Variants in ANK2 observed in about 807,000 individuals in gnomAD.
ANK2 encodes the protein ankyrin-2.
In ANK2, 83 loss-of-function variants were observed where a neutral mutation model predicts 360.5. The observed-to-expected ratio is 0.23, with a 90% CI of 0.19 to 0.28. The LOEUF (loss-of-function observed/expected upper bound fraction) is 0.28. Among genes scored for constraint, ANK2 ranks in the 10% least tolerant of loss-of-function variants. ANK2 has a pLI of 1.00. For synonymous variants in ANK2, 1,740 were observed against 1,759.5 expected (o/e 0.99, Z 0.28); for missense variants, 4,201 against 4,795.7 (o/e 0.88, Z 3.66).
intron 1 of ANK2, among the ~76,000 whole-genome samples, chr4:112,831,389 C>CT: frequency 6.6e-6 from 1 of 152,222 alleles, no homozygotes; most frequent in African/African-American, 2.4e-5. Context: ...CTGTGTCTAG[C>CT]TAATCTAGTG....
intron 3 of ANK2, among the ~76,000 whole-genome samples, chr4:113,197,795 C>T (rs561673143): frequency 1.3e-3 from 198 of 152,290 alleles, no homozygotes; most frequent in Non-Finnish European, 2.0e-3. Flanking sequence ...TTTCTTACTT[C>T]GAACATAAAG....
At chr4:113,017,799 G>A (rs2057036173) in intron 2 of ANK2, among the ~76,000 whole-genome samples, 1 of 152,124 alleles carries the variant, frequency 6.6e-6, no homozygotes, top group Non-Finnish European at 1.5e-5. Flanking sequence ...GACCCCAATG[G>A]TATGTGATGC....
rs564164423 is a variant in ANK2 at position 112,975,323 on chromosome 4, A to G, written c.21+70809A>G. 2.0e-5 allele frequency among the ~76,000 whole-genome samples: 3 copies of G among 152,340 alleles called. No homozygotes were observed. The South Asian group carries it at 6.2e-4, about 32-fold the overall frequency. ...ACAATTTTATTTATTTTTTGCTAGA[A>G]TGAATTTGAAGATGCCAAATGTTCC... On this transcript the variant is annotated intron_variant, in intron 2 of 30. Coordinates refer to the ANK2 transcript ENST00000503271.
rs922009092 is a variant in ANK2 at position 112,892,733 on chromosome 4, A to G, written c.-39-11722A>G. Among the ~76,000 whole-genome samples, 22 of 152,212 alleles carry G rather than the reference A, an allele frequency of 1.4e-4. No individual in the cohort carries two copies. The East Asian group carries it at 2.7e-3, about 19-fold the overall frequency. ...AAGATTCAGAATCAGTGAGACTGATATGCATGCTAAGGGTATTGAAGTGAA... is the reference window on the plus strand; with the variant it reads ...AAGATTCAGAATCAGTGAGACTGATGTGCATGCTAAGGGTATTGAAGTGAA... On this transcript the variant is annotated intron_variant, in intron 1 of 30. Coordinates refer to the ANK2 transcript ENST00000503271.
intron 27 of ANK2, among the ~76,000 whole-genome samples, chr4:113,331,092 G>A (rs1435768560): frequency 6.6e-6 from 1 of 152,078 alleles, no homozygotes; most frequent in African/African-American, 2.4e-5. Context: ...CTGTTTGTTT[G>A]TACGGCTGCT....
intron 1 of ANK2, among the ~76,000 whole-genome samples, chr4:113,086,296 CTT>C (rs1390441679): frequency 6.6e-6 from 1 of 152,152 alleles, no homozygotes; most frequent in Non-Finnish European, 1.5e-5. Context: ...CAATGAAACT[CTT>C]TTTATCATAA....
intron 4 of ANK2, among the ~76,000 whole-genome samples, chr4:113,230,201 T>C (rs2099274757): frequency 6.6e-6 from 1 of 152,294 alleles, no homozygotes; most frequent in Admixed American, 6.5e-5. Context: ...TAAATTTTCC[T>C]CCAACATTTG....
At chr4:113,306,622 T>G (rs927764492) in intron 23 of ANK2, among the ~76,000 whole-genome samples, 1 of 152,200 alleles carries the variant, frequency 6.6e-6, no homozygotes. Flanking sequence ...ATCTCTATAA[T>G]GCTAGGTACA....
At position 113,258,091 on chromosome 4, in the gene ANK2, C is replaced by T. The variant is rs1189768371; in HGVS notation, c.1230C>T (p.Arg410=). The change falls in exon 12 of 46, where the codon CGC becomes CGT. Residue 410 remains arginine (R), a synonymous_variant. Transcript: ENST00000357077. ...TPLHIACKKN[R]IKVMELLVKY... is the part of the protein sequence containing the mutation. ...TGCACATTGCCTGCAAGAAAAACCGCATCAAAGTCATGGAACTGCTGGTGA... is the reference window on the plus strand; with the variant it reads ...TGCACATTGCCTGCAAGAAAAACCGTATCAAAGTCATGGAACTGCTGGTGA... 3 of 1,614,160 alleles carry T rather than the reference C, an allele frequency of 1.9e-6. No homozygotes were observed. In the South Asian group the frequency reaches 3.3e-5, roughly 18 times the overall value.
In ANK2 at chr4:113,345,743, G is replaced by T. The variant is rs527557477; in HGVS notation, c.4249-157G>T. Among the ~76,000 whole-genome samples the T allele has an allele frequency of 2.6e-5, 4 of 152,230 alleles. No homozygotes were observed. In the East Asian group the frequency reaches 7.7e-4, roughly 29 times the overall value. Reference sequence around the variant, plus strand: ...AGAAAGCTGAATGATTTTTAAAAAGGCTTTCCAAATGGTAATAGGAAAAGA... The same window carrying T: ...AGAAAGCTGAATGATTTTTAAAAAGTCTTTCCAAATGGTAATAGGAAAAGA... On this transcript the variant is annotated intron_variant, in intron 34 of 45. Transcript: ENST00000357077.
At chr4:113,107,614 C>T (rs529630723) in intron 1 of ANK2, among the ~76,000 whole-genome samples, 3 of 152,312 alleles carry the variant, frequency 2.0e-5, no homozygotes, top group African/African-American at 7.2e-5. Context: ...TGCACACACA[C>T]TATCTCTGGG....
intron 2 of ANK2, among the ~76,000 whole-genome samples, chr4:113,043,119 A>C (rs1295935102): frequency 6.6e-6 from 1 of 152,096 alleles, no homozygotes; most frequent in Non-Finnish European, 1.5e-5. Context: ...TTTAGAGGAG[A>C]AAGACATAGG....
At chr4:113,224,722 T>C (rs556408180) in intron 4 of ANK2, among the ~76,000 whole-genome samples, 7 of 152,188 alleles carry the variant, frequency 4.6e-5, no homozygotes, top group Non-Finnish European at 1.0e-4. Flanking sequence ...TTTTCTACTC[T>C]TGTGATATAT....
intron 4 of ANK2, among the ~76,000 whole-genome samples, chr4:113,220,069 A>G (rs3025755): frequency 0.028 from 4,248 of 152,284 alleles, 96 homozygotes; most frequent in East Asian, 0.068. Context: ...TATAATTTCT[A>G]CAGTGCCAGT....
chr4:112,909,850 A>G (rs2086516735), intron 2 of ANK2, among the ~76,000 whole-genome samples: 1 of 152,168 alleles, frequency 6.6e-6, no homozygotes, highest in Non-Finnish European at 1.5e-5. Context: ...TACTTTTTTC[A>G]AAGCAAAGAT....
At chr4:113,342,203 G>C (rs2094375384) in intron 33 of ANK2, among the ~76,000 whole-genome samples, 1 of 152,134 alleles carries the variant, frequency 6.6e-6, no homozygotes, top group Admixed American at 6.5e-5. Flanking sequence ...AGTGACTGTA[G>C]TACTTTAGAT....
chr4:113,340,247 G>A (rs2094112430), intron 32 of ANK2, among the ~76,000 whole-genome samples: 1 of 152,348 alleles, frequency 6.6e-6, no homozygotes, highest in East Asian at 1.9e-4. Flanking sequence ...TAGCTAGAGA[G>A]GGTATCTGAG....
chr4:113,304,606 G>T (rs1319754409), intron 23 of ANK2, among the ~76,000 whole-genome samples: 1 of 152,104 alleles, frequency 6.6e-6, no homozygotes, highest in Non-Finnish European at 1.5e-5. Flanking sequence ...TTAGAGAAAA[G>T]TAATTCTTTT....
intron 2 of ANK2, among the ~76,000 whole-genome samples, chr4:112,920,795 A>G (rs1311311646): frequency 1.3e-5 from 2 of 152,088 alleles, no homozygotes; most frequent in Admixed American, 6.6e-5. Context: ...TCACTATACC[A>G]TATGGCACAT....
Sources: allele counts gnomAD v4.1 joint callset (sites outside exome capture counted in the v4.1 genomes callset), GRCh38; gene constraint gnomAD v4.1.1; transcripts MANE v1.5; gene names NCBI Gene and HGNC (gene_info 2026-07-23, HGNC 2026-07-21).